AKAP7: variants seen among roughly 807,000 people sequenced by gnomAD.
AKAP7 encodes A-kinase anchoring protein 7.
In AKAP7, 39 loss-of-function variants were observed where a neutral mutation model predicts 39.5. That is an observed-to-expected ratio of 0.99 (90% confidence interval 0.76 to 1.29). The LOEUF (loss-of-function observed/expected upper bound fraction) is 1.29. Among genes scored for constraint, AKAP7 ranks in the 50% most tolerant of loss-of-function variants. The pLI, the probability that AKAP7 is intolerant of heterozygous loss-of-function variation, is 0.00. For synonymous variants in AKAP7, 140 were observed against 139.1 expected (o/e 1.01, Z -0.05); for missense variants, 414 against 407.7 (o/e 1.02, Z -0.13).
chr6:131,189,117 C>A (rs1194166360), intron 5 of AKAP7, among the ~76,000 whole-genome samples: 1 of 152,194 alleles, frequency 6.6e-6, no homozygotes. Flanking sequence ...CCCTTGTGAT[C>A]CTGTGACTGG....
chr6:131,186,090 T>C (rs943316965), intron 5 of AKAP7, among the ~76,000 whole-genome samples: 4 of 152,246 alleles, frequency 2.6e-5, no homozygotes, highest in African/African-American at 9.6e-5. Flanking sequence ...GTAGTTTGTA[T>C]GTTATCCCTT....
At chr6:131,246,498 G>A (rs1172362149) in intron 7 of AKAP7, among the ~76,000 whole-genome samples, 2 of 152,178 alleles carry the variant, frequency 1.3e-5, no homozygotes, top group African/African-American at 2.4e-5. Context: ...ATGCTACTGA[G>A]AAGAGTGTTA....
At chr6:131,272,198 A>G (rs1814337936) in intron 7 of AKAP7, among the ~76,000 whole-genome samples, 1 of 152,190 alleles carries the variant, frequency 6.6e-6, no homozygotes, top group Non-Finnish European at 1.5e-5. Context: ...ATGTTTGTAT[A>G]ATCGATAGTG....
intron 6 of AKAP7, among the ~76,000 whole-genome samples, chr6:131,215,398 C>T (rs1021919796): frequency 6.6e-5 from 10 of 152,220 alleles, no homozygotes; most frequent in African/African-American, 1.7e-4. Context: ...TTCTGGAGCT[C>T]ATTGGTTGGT....
chr6:131,172,510 A>C (rs6569736), intron 5 of AKAP7, among the ~76,000 whole-genome samples: 70,751 of 151,306 alleles, frequency 0.47, 16,981 homozygotes, highest in East Asian at 0.77. Flanking sequence ...TTTTTTTTTT[A>C]AGAGTTGGAG....
Position 131,172,019 on chromosome 6 carries a change from TGAG to T in AKAP7, c.589+2750_589+2752del, listed in dbSNP as rs369177293. Among the ~76,000 whole-genome samples the T allele has an allele frequency of 1.9e-3, 286 of 152,246 alleles. 1 individual carries two copies. Among genetic ancestry groups the T allele is most frequent in the African/African-American group, 6.1e-3 (255 of 41,548 alleles). On this transcript the variant is annotated intron_variant, in intron 5 of 7. Coordinates refer to ENST00000431975, the MANE Select transcript of AKAP7 (RefSeq NM_016377.4). ...GAGCAGTATATTGGATTTTATGAATTGAGGAGATTTCTGGTTCATAGAGAGTAT... is the reference window on the plus strand; with the variant it reads ...GAGCAGTATATTGGATTTTATGAATTGAGATTTCTGGTTCATAGAGAGTAT...
At chr6:131,126,870 T>A in the AKAP7 span, among the ~76,000 whole-genome samples, 2 of 152,156 alleles carry the variant, frequency 1.3e-5, no homozygotes, top group Admixed American at 6.5e-5. Context: ...ATATCAGGTG[T>A]ACAGAGTGTT....
At chr6:131,266,281 C>T (rs1813790383) in intron 7 of AKAP7, among the ~76,000 whole-genome samples, 1 of 152,168 alleles carries the variant, frequency 6.6e-6, no homozygotes, top group Non-Finnish European at 1.5e-5. Context: ...GTTCTTAGTC[C>T]ATCCTAGTAC....
At position 131,182,470 on chromosome 6, in the gene AKAP7, T is replaced by C. The variant is rs532632985; in HGVS notation, c.589+13197T>C. On this transcript the variant is annotated intron_variant, in intron 5 of 7. Coordinates refer to ENST00000431975, the MANE Select transcript of AKAP7 (RefSeq NM_016377.4). ...CTTAAGGTTCATCCATGCTGTATCA[T>C]GTCAGAACTTTATTCCTTTTTAATG... Among the ~76,000 whole-genome samples, 6 of 152,354 alleles carry C rather than the reference T, an allele frequency of 3.9e-5. 1 individual carries two copies. Among genetic ancestry groups the C allele is most frequent in the African/African-American group, 1.4e-4 (6 of 41,584 alleles).
intron 2 of AKAP7, among the ~76,000 whole-genome samples, chr6:131,147,280 A>G (rs2128228333): frequency 6.6e-6 from 1 of 152,324 alleles, no homozygotes; most frequent in East Asian, 1.9e-4. Context: ...CTCAGAAACC[A>G]CACTACTCTT....
Position 131,147,406 on chromosome 6 carries a change from G to C in AKAP7, c.151+1990G>C, listed in dbSNP as rs192279283. ...CAGTCTTTCCCATTCCATAATCCAAGGGGGAGAAGGAATCAGGAAGAGGTG... is the reference window on the plus strand; with the variant it reads ...CAGTCTTTCCCATTCCATAATCCAACGGGGAGAAGGAATCAGGAAGAGGTG... On this transcript the variant is annotated intron_variant, in intron 2 of 7. Transcript: ENST00000431975. Among the ~76,000 whole-genome samples the C allele has an allele frequency of 2.4e-3, 363 of 152,282 alleles. 1 individual carries two copies. The highest frequency in any genetic ancestry group is 2.6e-3 in the Non-Finnish European group (178 of 68,020).
chr6:131,141,773 C>T (rs1450924706), intron 1 of AKAP7, among the ~76,000 whole-genome samples: 2 of 152,110 alleles, frequency 1.3e-5, no homozygotes, highest in South Asian at 2.1e-4. Context: ...CTGCAGTTAA[C>T]GTCTCTATGT....
chr6:131,228,450 C>CT (rs1810370709), intron 7 of AKAP7, among the ~76,000 whole-genome samples: 1 of 152,114 alleles, frequency 6.6e-6, no homozygotes, highest in South Asian at 2.1e-4. Flanking sequence ...CCTCATTGTG[C>CT]TTATCTTACA....
chr6:131,263,832 C>T (rs962443253), intron 7 of AKAP7, among the ~76,000 whole-genome samples: 9 of 152,154 alleles, frequency 5.9e-5, no homozygotes, highest in East Asian at 3.9e-4. Flanking sequence ...TGGAGTGGGG[C>T]GGCAATGGAG....
At chr6:131,211,839 C>G (rs1422431386) in intron 6 of AKAP7, among the ~76,000 whole-genome samples, 3 of 151,024 alleles carry the variant, frequency 2.0e-5, no homozygotes, top group Non-Finnish European at 4.4e-5. Flanking sequence ...AGATGTTCCT[C>G]AGTTTATGAT....
At chr6:131,273,035 T>C (rs1042626674) in intron 7 of AKAP7, among the ~76,000 whole-genome samples, 5 of 152,198 alleles carry the variant, frequency 3.3e-5, no homozygotes, top group African/African-American at 1.2e-4. Context: ...CATATATGCA[T>C]TTAGGATTTT....
chr6:131,267,600 G>A (rs887514310), intron 7 of AKAP7, among the ~76,000 whole-genome samples: 14 of 151,998 alleles, frequency 9.2e-5, no homozygotes, highest in African/African-American at 2.2e-4. Context: ...TTCTCCTCCC[G>A]CCCACCTCAT....
intron 5 of AKAP7, among the ~76,000 whole-genome samples, chr6:131,179,166 CG>C (rs1554205905): frequency 2.0e-5 from 3 of 147,764 alleles, no homozygotes; most frequent in Admixed American, 6.7e-5. Flanking sequence ...ATTGTCTATT[CG>C]GTTTTTTTTT....
chr6:131,210,333 G>A (rs1808532130), intron 6 of AKAP7, among the ~76,000 whole-genome samples: 1 of 152,214 alleles, frequency 6.6e-6, no homozygotes, highest in Admixed American at 6.5e-5. Flanking sequence ...CAAAAAGGTT[G>A]TTGGCCTCTT....
Sources: allele counts gnomAD v4.1 joint callset (sites outside exome capture counted in the v4.1 genomes callset), GRCh38; gene constraint gnomAD v4.1.1; transcripts MANE v1.5; gene names NCBI Gene and HGNC (gene_info 2026-07-23, HGNC 2026-07-21).